THSD7A: variants seen among roughly 807,000 people sequenced by gnomAD.
THSD7A encodes thrombospondin type-1 domain-containing protein 7A.
In THSD7A, 96 loss-of-function variants were observed where a neutral mutation model predicts 231.3. That is an observed-to-expected ratio of 0.41 (90% CI 0.35 to 0.49). The LOEUF (loss-of-function observed/expected upper bound fraction) is 0.49. THSD7A is among the 20% of genes least tolerant of loss of function. THSD7A has a pLI of 0.05. For synonymous variants in THSD7A, 940 were observed against 743.3 expected (o/e 1.26, Z -4.30); for missense variants, 2,290 against 2,070.2 (o/e 1.11, Z -2.06).
intron 1 of THSD7A, among the ~76,000 whole-genome samples, chr7:11,681,665 A>G (rs960358326): frequency 6.6e-5 from 10 of 152,102 alleles, no homozygotes; most frequent in Non-Finnish European, 1.2e-4. Flanking sequence ...AAGAAGAGAA[A>G]GTATACAGTT....
At chr7:11,777,511 G>A (rs1018478354) in intron 1 of THSD7A, among the ~76,000 whole-genome samples, 1 of 151,184 alleles carries the variant, frequency 6.6e-6, no homozygotes, top group Non-Finnish European at 1.5e-5. Context: ...TACAACAAAT[G>A]CATTTTAATA....
chr7:11,786,759 TA>T (rs58923353), intron 1 of THSD7A, among the ~76,000 whole-genome samples: 7,323 of 108,640 alleles, frequency 0.067, 209 homozygotes, highest in Admixed American at 0.12. Context: ...AGTATAATAA[TA>T]AAAAAAAAAA....
intron 1 of THSD7A, among the ~76,000 whole-genome samples, chr7:11,651,892 A>G (rs891327131): frequency 2.0e-5 from 3 of 152,004 alleles, no homozygotes; most frequent in African/African-American, 4.8e-5. Flanking sequence ...TATATTATCA[A>G]TTGTATACCT....
At chr7:11,454,540 C>T (rs1049798232) in intron 11 of THSD7A, among the ~76,000 whole-genome samples, 2 of 151,254 alleles carry the variant, frequency 1.3e-5, no homozygotes, top group Non-Finnish European at 2.9e-5. Context: ...GTGTCTCTTT[C>T]ACTATGCCGT....
chr7:11,475,014 T>C (rs778617659), intron 7 of THSD7A, among the ~76,000 whole-genome samples: 16 of 152,018 alleles, frequency 1.1e-4, no homozygotes, highest in Non-Finnish European at 1.9e-4. Context: ...AAGAGAATAG[T>C]ATCTAAGTAG....
chr7:11,563,644 G>A (rs977880505), intron 4 of THSD7A, among the ~76,000 whole-genome samples: 1 of 152,214 alleles, frequency 6.6e-6, no homozygotes, highest in African/African-American at 2.4e-5. Context: ...CAAGAGGCAT[G>A]AGCCACGATG....
At chr7:11,651,538 A>G (rs1385175586) in intron 1 of THSD7A, among the ~76,000 whole-genome samples, 1 of 150,316 alleles carries the variant, frequency 6.7e-6, no homozygotes, top group Non-Finnish European at 1.5e-5. Flanking sequence ...ACTACAATGA[A>G]CTATAGCCCA....
intron 23 of THSD7A, among the ~76,000 whole-genome samples, chr7:11,392,481 C>G (rs1056510498): frequency 6.6e-6 from 1 of 152,092 alleles, no homozygotes; most frequent in Non-Finnish European, 1.5e-5. Flanking sequence ...GAGCTAGTTG[C>G]AAGAGTTTTT....
At chr7:11,413,313 T>G (rs1295668994) in intron 17 of THSD7A, among the ~76,000 whole-genome samples, 1 of 152,054 alleles carries the variant, frequency 6.6e-6, no homozygotes, top group Non-Finnish European at 1.5e-5. Flanking sequence ...AATAAAGTTC[T>G]AAGACCTGCA....
Position 11,593,480 on chromosome 7 carries a change from G to C in THSD7A, c.1045C>G (p.Pro349Ala). The change falls in exon 3 of 28, where the codon CCA becomes GCA. Residue 349 changes from proline (P) to alanine (A), a missense_variant. Physicochemically the swap from Pro to Ala is conservative, Grantham distance 27 (BLOSUM62 -1). Transcript: ENST00000423059. ...ATCACACAGGACTGGAAGGTCATTG[G>C]AAGCTTCTCTTGCTGGCAAAAGCTG... is the stretch of plus-strand genomic sequence containing the variant. ...DLSFCQQEKL[P>A]MTFQSCVITK... 1 of 1,613,910 alleles carries C rather than the reference G, an allele frequency of 6.2e-7. No individual in the cohort carries two copies. The highest frequency in any genetic ancestry group is 8.5e-7 in the Non-Finnish European group (1 of 1,179,816).
At position 11,546,223 on chromosome 7, in the gene THSD7A, C is replaced by CACACACACAA. The variant is rs371554481; in HGVS notation, c.1454-3107_1454-3106insTTGTGTGTGT. ...GCGCGCTCACACACACACACACACA[C>CACACACACAA]ACACACACGTGGACCCTGCCACACT... On this transcript the variant is annotated intron_variant, in intron 4 of 27. Coordinates refer to ENST00000423059, the MANE Select transcript of THSD7A (RefSeq NM_015204.3). 2.5e-3 allele frequency among the ~76,000 whole-genome samples: 370 copies of CACACACACAA among 148,816 alleles called. 2 individuals carry two copies. Among genetic ancestry groups the CACACACACAA allele is most frequent in the African/African-American group, 6.5e-3 (261 of 40,268 alleles).
chr7:11,487,653 A>G (rs1786714451), intron 6 of THSD7A, among the ~76,000 whole-genome samples: 1 of 152,144 alleles, frequency 6.6e-6, no homozygotes, highest in Non-Finnish European at 1.5e-5. Context: ...CAATCATGGT[A>G]GAAGACAGAG....
At chr7:11,467,457 C>G (rs769207021) in intron 9 of THSD7A, among the ~76,000 whole-genome samples, 2 of 151,984 alleles carry the variant, frequency 1.3e-5, no homozygotes, top group Admixed American at 6.6e-5. Context: ...CATTAGTGTG[C>G]TAGTTATATA....
chr7:11,800,002 A>T (rs1349949208), intron 1 of THSD7A, among the ~76,000 whole-genome samples: 1 of 152,194 alleles, frequency 6.6e-6, no homozygotes, highest in Non-Finnish European at 1.5e-5. Flanking sequence ...TTTCTTTGAG[A>T]TAGGAAAACC....
intron 6 of THSD7A, among the ~76,000 whole-genome samples, chr7:11,533,719 A>G (rs1788798623): frequency 6.6e-6 from 1 of 152,110 alleles, no homozygotes; most frequent in Admixed American, 6.6e-5. Flanking sequence ...GAAACAATAC[A>G]CACCAGGGCC....
chr7:11,461,632 C>A (rs1008101078), intron 10 of THSD7A, among the ~76,000 whole-genome samples: 3 of 152,174 alleles, frequency 2.0e-5, no homozygotes, highest in Non-Finnish European at 4.4e-5. Flanking sequence ...CAAACAGGTG[C>A]TCTTTGGAGC....
chr7:11,468,640 C>A (rs1219260988), intron 9 of THSD7A, among the ~76,000 whole-genome samples: 1 of 151,990 alleles, frequency 6.6e-6, no homozygotes, highest in Non-Finnish European at 1.5e-5. Context: ...TCTAGACCAG[C>A]CTGGCCAAAA....
Position 11,636,244 on chromosome 7 carries a change from T to G in THSD7A, c.908A>C (p.Lys303Thr). 1 of 1,614,056 alleles carries G rather than the reference T, an allele frequency of 6.2e-7. No homozygotes were observed. Among genetic ancestry groups the G allele is most frequent in the East Asian group, 2.2e-5 (1 of 44,882 alleles). Residue 303 changes from lysine (K) to threonine (T), a missense_variant, in exon 2 of 28, where the codon AAG becomes ACG. Physicochemically the swap from Lys to Thr is moderately conservative, Grantham distance 78 (BLOSUM62 -1). Transcript: ENST00000423059. This position sits in a 1 kb window ranked among gnomAD's most constrained non-coding sequence, Gnocchi z 10.0. ...DPEARELIKK[K>T]RNRNRQNRQE... Reference sequence around the variant, plus strand: ...TCTGTTCTGCCTGTTTCTGTTTCTCTTTTTCTTAATAAGCTCGCGGGCTTC... The same window carrying G: ...TCTGTTCTGCCTGTTTCTGTTTCTCGTTTTCTTAATAAGCTCGCGGGCTTC...
At chr7:11,790,508 ATCT>A (rs143256257) in intron 1 of THSD7A, among the ~76,000 whole-genome samples, 2,321 of 152,072 alleles carry the variant, frequency 0.015, 49 homozygotes, top group African/African-American at 0.053. Context: ...ATAAAGTAAG[ATCT>A]TCTTAATGAG....
Sources: gnomAD v4.1 joint callset for allele counts (sites outside exome capture counted in the v4.1 genomes callset) on GRCh38, gnomAD v4.1.1 for gene constraint, Gnocchi (gnomAD v3.1) non-coding constraint, MANE v1.5 for transcripts, NCBI Gene and HGNC (gene_info 2026-07-23, HGNC 2026-07-21) for gene names.